The following PFKFB3 variants were observed in gnomAD, a reference collection of about 807,000 sequenced individuals.
PFKFB3 encodes 6-phosphofructo-2-kinase/fructose-2,6-biphosphatase 3.
In PFKFB3, 33 loss-of-function variants were observed where a neutral mutation model predicts 68.0. The observed-to-expected ratio is 0.49, with a 90% CI of 0.37 to 0.65. The LOEUF (loss-of-function observed/expected upper bound fraction) is 0.65, where lower values mean the gene tolerates loss of function less well. PFKFB3 is among the 30% of genes least tolerant of loss of function. PFKFB3 has a pLI of 0.00. For missense variants in PFKFB3, 586 were observed against 712.2 expected, an observed-to-expected ratio of 0.82 and a Z score of 2.02; for synonymous variants, 315 against 288.2, an observed-to-expected ratio of 1.09 and a Z score of -0.94.
chr10:6,148,117 T>C (rs1409328), intron 1 of PFKFB3, among the ~76,000 whole-genome samples: 147,408 of 152,308 alleles, frequency 0.97, 71,524 homozygotes, highest in East Asian at 1. Context: ...CAAGACATGG[T>C]GTCTCCTCCC....
chr10:6,294,083 G>A, the PFKFB3 span: 6,146 of 498,148 alleles, frequency 0.012, 301 homozygotes, highest in African/African-American at 0.11. Context: ...CTACCAACTG[G>A]CCCTGAATTG....
the PFKFB3 span, among the ~76,000 whole-genome samples, chr10:6,270,154 A>AC: frequency 6.6e-6 from 1 of 152,112 alleles, no homozygotes; most frequent in South Asian, 2.1e-4. Flanking sequence ...AAACAAAACA[A>AC]AACAACAACA....
chr10:6,305,659 GC>G, the PFKFB3 span, among the ~76,000 whole-genome samples: 1 of 152,324 alleles, frequency 6.6e-6, no homozygotes, highest in Non-Finnish European at 1.5e-5. Context: ...CACACAGAGG[GC>G]TTTTCTTTCT....
rs1337302983 is a variant in PFKFB3, at chr10:6,233,550, T to G, written c.*608T>G. On this transcript the variant is annotated 3_prime_UTR_variant, in exon 15 of 15. Coordinates refer to ENST00000379775, the MANE Select transcript of PFKFB3 (RefSeq NM_004566.4). Reference sequence around the variant, plus strand: ...TGGGTGGTCCGCACCCTGGCTCTCCTGCAGGTCCACACACCTTCCAGGCCT... The same window carrying G: ...TGGGTGGTCCGCACCCTGGCTCTCCGGCAGGTCCACACACCTTCCAGGCCT... The G allele has an allele frequency of 6.6e-6, 1 of 152,518 alleles. No homozygotes were observed. Among genetic ancestry groups the G allele is most frequent in the Non-Finnish European group, 1.5e-5 (1 of 68,116 alleles). The allele number at this position is 152,518 out of a possible 1,614,324, so 9.4% of individuals were successfully genotyped here.
At chr10:6,287,803 A>G in the PFKFB3 span, among the ~76,000 whole-genome samples, 3 of 151,984 alleles carry the variant, frequency 2.0e-5, no homozygotes, top group South Asian at 4.1e-4. Flanking sequence ...ACAAACTGCT[A>G]TCTGTTAGAT....
the PFKFB3 span, among the ~76,000 whole-genome samples, chr10:6,310,771 C>A: frequency 6.6e-6 from 1 of 152,060 alleles, no homozygotes; most frequent in African/African-American, 2.4e-5. Context: ...GACATGTATG[C>A]TCGTAAATAA....
downstream of PFKFB3, among the ~76,000 whole-genome samples, chr10:6,258,945 T>C (rs1408682822): frequency 6.6e-6 from 1 of 152,206 alleles, no homozygotes; most frequent in African/African-American, 2.4e-5. Context: ...TTACACTCTA[T>C]CATATATGGT....
downstream of PFKFB3, among the ~76,000 whole-genome samples, chr10:6,236,533 G>A (rs549322187): frequency 3.9e-5 from 6 of 152,360 alleles, no homozygotes; most frequent in Non-Finnish European, 7.3e-5. Flanking sequence ...GAGAACAGGC[G>A]GCAGAGACTT....
intron 1 of PFKFB3, among the ~76,000 whole-genome samples, chr10:6,180,188 A>G (rs1219924289): frequency 1.3e-5 from 2 of 148,470 alleles, no homozygotes; most frequent in African/African-American, 5.0e-5. Context: ...AAAGAAAAAA[A>G]AAATGCTGTA....
chr10:6,323,799 A>G, the PFKFB3 span, among the ~76,000 whole-genome samples: 6 of 152,322 alleles, frequency 3.9e-5, no homozygotes, highest in South Asian at 2.1e-4. Flanking sequence ...ACCCATGTGC[A>G]TTGCTGGTAG....
chr10:6,221,343 G>A, intron 8 of PFKFB3, 38 bp from the exon 9 acceptor site: 1 of 1,610,950 alleles, frequency 6.2e-7, no homozygotes, highest in Non-Finnish European at 8.5e-7. Flanking sequence ...GGAGCTGCGG[G>A]CATCTGGAAT....
intron 1 of PFKFB3, among the ~76,000 whole-genome samples, chr10:6,190,469 G>T (rs1288929759): frequency 6.6e-6 from 1 of 152,108 alleles, no homozygotes; most frequent in Non-Finnish European, 1.5e-5. Context: ...GTTTCTCTGG[G>T]TTTTAGTCTA....
At chr10:6,317,209 ACT>A in the PFKFB3 span, among the ~76,000 whole-genome samples, 1 of 152,082 alleles carries the variant, frequency 6.6e-6, no homozygotes, top group Admixed American at 6.6e-5. Context: ...AAGAGTTATA[ACT>A]CTAGCAAGGG....
At chr10:6,249,189 AAAAAAAAAAAAAAAG>A (rs1376554406) in intron 14 of PFKFB3, among the ~76,000 whole-genome samples, 1 of 150,906 alleles carries the variant, frequency 6.6e-6, no homozygotes, top group Non-Finnish European at 1.5e-5. Context: ...AAAAAAAAAA[AAAAAAAAAAAAAAAG>A]AAAAGAAAAG....
At position 6,220,553 on chromosome 10, in the gene PFKFB3, T is replaced by C. The variant is rs933152503; in HGVS notation, c.624-105T>C. The C allele has an allele frequency of 9.8e-6, 10 of 1,015,304 alleles. No homozygotes were observed. The African/African-American group carries it at 1.6e-4, about 16-fold the overall frequency. The allele number at this position is 1,015,304 out of a possible 1,614,324, so 62.9% of individuals were successfully genotyped here. ...GTCTGTGCCCTGGAGGGGCCTACGGTCCCGCCTTGCTGTTCTCTGGGGATC... is the reference window on the plus strand; with the variant it reads ...GTCTGTGCCCTGGAGGGGCCTACGGCCCCGCCTTGCTGTTCTCTGGGGATC... On this transcript the variant is annotated intron_variant, in intron 7 of 14. Coordinates refer to ENST00000379775, the MANE Select transcript of PFKFB3 (RefSeq NM_004566.4). The surrounding 1 kb of genome is among the most constrained non-coding windows in gnomAD (Gnocchi z 4.1).
In PFKFB3 at chr10:6,215,259, C is replaced by G. The variant is rs1457775812; in HGVS notation, c.241C>G (p.Gln81Glu). 6.2e-7 allele frequency: 1 copy of G among 1,613,926 alleles called. No homozygotes were observed. The highest frequency in any genetic ancestry group is 8.5e-7 in the Non-Finnish European group (1 of 1,180,018). Reference protein sequence around the residue: ...VGEYRREAVKQYSSYNFFRPD... With the variant: ...VGEYRREAVKEYSSYNFFRPD... ...GGAGTATCGCCGGGAGGCTGTGAAG[C>G]AGTACAGCTCCTACAACTTCTTCCG... The change falls in exon 3 of 15, where the codon CAG (glutamine) becomes GAG (glutamate). Residue 81 changes from glutamine (Q) to glutamate (E), a missense_variant. Gln to Glu is a conservative substitution (Grantham distance 29). Transcript: ENST00000379775. The surrounding 1 kb of genome is among the most constrained non-coding windows in gnomAD (Gnocchi z 4.3).
chr10:6,305,561 C>T, the PFKFB3 span, among the ~76,000 whole-genome samples: 10 of 152,336 alleles, frequency 6.6e-5, no homozygotes, highest in Middle Eastern at 3.4e-3. Context: ...TCTCATTCCT[C>T]GTTCTTGCTT....
chr10:6,289,685 C>T, the PFKFB3 span, among the ~76,000 whole-genome samples: 21 of 152,118 alleles, frequency 1.4e-4, no homozygotes, highest in South Asian at 2.1e-4. Context: ...CTTGGCGATG[C>T]GGGCTCTTTT....
At chr10:6,292,738 C>G in the PFKFB3 span, among the ~76,000 whole-genome samples, 1 of 152,034 alleles carries the variant, frequency 6.6e-6, no homozygotes. Flanking sequence ...ATGAACAGCA[C>G]TTCTCATGGC....
Sources: gnomAD v4.1 joint callset for allele counts (sites outside exome capture counted in the v4.1 genomes callset) on GRCh38, gnomAD v4.1.1 for gene constraint, Gnocchi (gnomAD v3.1) non-coding constraint, MANE v1.5 for transcripts, NCBI Gene and HGNC (gene_info 2026-07-23, HGNC 2026-07-21) for gene names.